CDH12: variants seen among roughly 807,000 people sequenced by gnomAD.
The protein encoded by CDH12 is cadherin-12.
In CDH12, 41 loss-of-function variants were observed where a neutral mutation model predicts 74.1. That is an observed-to-expected ratio of 0.55 (90% CI 0.43 to 0.72). The LOEUF (loss-of-function observed/expected upper bound fraction) is 0.72, where lower values mean the gene tolerates loss of function less well. Among genes scored for constraint, CDH12 ranks in the 30% least tolerant of loss-of-function variants. The pLI, the probability that CDH12 is intolerant of heterozygous loss-of-function variation, is 0.00. For synonymous variants in CDH12, 399 were observed against 355.0 expected (o/e 1.12, Z -1.39); for missense variants, 945 against 977.2 (o/e 0.97, Z 0.44).
At position 21,945,592 on chromosome 5, in the gene CDH12, A is replaced by G. The variant is rs188194651; in HGVS notation, c.526+29499T>C. ...TAAATTCAATAATGACATAAGTTATAAAAAGTAAATATGAACTAAATAAAA... is the reference window on the plus strand; with the variant it reads ...TAAATTCAATAATGACATAAGTTATGAAAAGTAAATATGAACTAAATAAAA... On this transcript the variant is annotated intron_variant, in intron 6 of 14. Transcript: ENST00000382254. 2.8e-3 allele frequency among the ~76,000 whole-genome samples: 426 copies of G among 151,982 alleles called. 2 individuals are homozygous for G. Among genetic ancestry groups the G allele is most frequent in the African/African-American group, 9.4e-3 (392 of 41,548 alleles).
intron 3 of CDH12, among the ~76,000 whole-genome samples, chr5:22,231,048 TA>T (rs1204170429): frequency 1.3e-5 from 2 of 152,174 alleles, no homozygotes; most frequent in Non-Finnish European, 2.9e-5. Flanking sequence ...ACTATATTCT[TA>T]TGCCAATGAT....
intron 3 of CDH12, among the ~76,000 whole-genome samples, chr5:22,251,533 C>T (rs1039733126): frequency 6.6e-6 from 1 of 152,154 alleles, no homozygotes; most frequent in African/African-American, 2.4e-5. Flanking sequence ...GGATTCATTA[C>T]TTAACTTCTC....
chr5:22,527,357 C>T (rs1002645585), intron 1 of CDH12, among the ~76,000 whole-genome samples: 6 of 152,032 alleles, frequency 3.9e-5, no homozygotes, highest in African/African-American at 1.4e-4. Context: ...TCAGGTTAGA[C>T]TTTTGTTCAT....
chr5:22,042,139 C>T (rs75874015), intron 5 of CDH12, among the ~76,000 whole-genome samples: 4 of 151,856 alleles, frequency 2.6e-5, no homozygotes, highest in Non-Finnish European at 5.9e-5. Context: ...CCAAAACTTA[C>T]AGGAAACATC....
At chr5:22,619,606 A>C (rs1314504450) in intron 1 of CDH12, among the ~76,000 whole-genome samples, 2 of 151,978 alleles carry the variant, frequency 1.3e-5, no homozygotes, top group African/African-American at 4.8e-5. Flanking sequence ...GCCTTGTCTA[A>C]AAATATCAAA....
intron 7 of CDH12, among the ~76,000 whole-genome samples, chr5:21,849,122 A>G (rs1750332038): frequency 6.6e-6 from 1 of 151,960 alleles, no homozygotes; most frequent in East Asian, 1.9e-4. Flanking sequence ...CTACATATGT[A>G]TATATATGAA....
In CDH12 at chr5:22,715,934, C is replaced by T. The variant is rs147168454; in HGVS notation, c.-523+137124G>A. 1.0e-3 allele frequency among the ~76,000 whole-genome samples: 156 copies of T among 151,960 alleles called. 1 individual carries two copies. The highest frequency in any genetic ancestry group is 6.8e-3 in the Middle Eastern group (2 of 294). On this transcript the variant is annotated intron_variant, in intron 1 of 14. Transcript: ENST00000382254. ...TGCGGATCACTTGAGGTCAGGAGTT[C>T]AAGATGAGCCTGGCCCACATGGTGA... is the stretch of plus-strand genomic sequence containing the variant.
At chr5:22,494,648 C>A (rs536306932) in intron 2 of CDH12, among the ~76,000 whole-genome samples, 1 of 152,168 alleles carries the variant, frequency 6.6e-6, no homozygotes, top group Non-Finnish European at 1.5e-5. Context: ...CATTAGATGG[C>A]ATTTTGAATA....
chr5:22,255,372 A>C (rs912847221), intron 3 of CDH12, among the ~76,000 whole-genome samples: 1 of 151,760 alleles, frequency 6.6e-6, no homozygotes, highest in Non-Finnish European at 1.5e-5. Flanking sequence ...AATACCTATA[A>C]TTATTAATTA....
intron 13 of CDH12, among the ~76,000 whole-genome samples, chr5:21,757,244 C>T (rs1744451093): frequency 6.6e-6 from 1 of 152,068 alleles, no homozygotes; most frequent in African/African-American, 2.4e-5. Flanking sequence ...GGATCAATCT[C>T]GGCTCACTGC....
chr5:21,815,615 G>A (rs13190397), intron 9 of CDH12, among the ~76,000 whole-genome samples: 105,417 of 152,018 alleles, frequency 0.69, 37,656 homozygotes, highest in Non-Finnish European at 0.79. Context: ...GCTTCCCAGC[G>A]CAGTCTGTCT....
intron 5 of CDH12, among the ~76,000 whole-genome samples, chr5:22,009,063 C>T (rs565969688): frequency 6.8e-4 from 104 of 152,298 alleles, no homozygotes; most frequent in African/African-American, 2.4e-3. Context: ...TTGGGTGTGG[C>T]CTATTAAATC....
chr5:22,262,001 G>A (rs1168639707), intron 3 of CDH12, among the ~76,000 whole-genome samples: 6 of 151,948 alleles, frequency 3.9e-5, no homozygotes, highest in South Asian at 4.1e-4. Context: ...TAAAAAATAC[G>A]ATACAAATCT....
At chr5:21,958,245 T>C (rs1756189731) in intron 6 of CDH12, among the ~76,000 whole-genome samples, 1 of 152,172 alleles carries the variant, frequency 6.6e-6, no homozygotes, top group African/African-American at 2.4e-5. Context: ...CCTTTTTCTT[T>C]ATAAATTACT....
chr5:22,572,013 C>T (rs1273696852), intron 1 of CDH12, among the ~76,000 whole-genome samples: 1 of 152,046 alleles, frequency 6.6e-6, no homozygotes, highest in East Asian at 1.9e-4. Context: ...AAAAATGGCG[C>T]TGACAGACTT....
At chr5:22,390,748 CA>C (rs1257319380) in intron 3 of CDH12, among the ~76,000 whole-genome samples, 1 of 152,086 alleles carries the variant, frequency 6.6e-6, no homozygotes, top group African/African-American at 2.4e-5. Context: ...GTCACGAACA[CA>C]AAAGCAAACC....
At chr5:22,755,790 T>C (rs1745865385) in intron 1 of CDH12, among the ~76,000 whole-genome samples, 1 of 152,082 alleles carries the variant, frequency 6.6e-6, no homozygotes, top group South Asian at 2.1e-4. Flanking sequence ...CTTGGGTATA[T>C]ACTCATTCAC....
intron 8 of CDH12, among the ~76,000 whole-genome samples, chr5:21,828,063 A>T (rs752900420): frequency 6.6e-6 from 1 of 152,178 alleles, no homozygotes; most frequent in Non-Finnish European, 1.5e-5. Flanking sequence ...CAACACTAAA[A>T]GTTTTTTCAT....
At chr5:21,779,346 GC>G (rs1745780486) in intron 11 of CDH12, 1 of 151,926 alleles carries the variant, frequency 6.6e-6, no homozygotes, top group South Asian at 2.1e-4. Flanking sequence ...GACTACAGTT[GC>G]AAGCCATCCT....
Sources: allele counts gnomAD v4.1 joint callset (sites outside exome capture counted in the v4.1 genomes callset), GRCh38; gene constraint gnomAD v4.1.1; transcripts MANE v1.5; gene names NCBI Gene and HGNC (gene_info 2026-07-23, HGNC 2026-07-21).